Variants in POFUT2 observed in about 807,000 individuals in gnomAD.
POFUT2 encodes the protein GDP-fucose protein O-fucosyltransferase 2.
POFUT2 carries 30 observed loss-of-function variants against 55.0 expected under a neutral mutation model. That is an observed-to-expected ratio of 0.55 (90% confidence interval 0.41 to 0.74). The LOEUF (loss-of-function observed/expected upper bound fraction) is 0.74. POFUT2 is among the 30% of genes least tolerant of loss of function. POFUT2 has a pLI of 0.00. For missense variants in POFUT2, 524 were observed against 562.6 expected, an observed-to-expected ratio of 0.93 and a Z score of 0.69; for synonymous variants, 267 against 231.1, an observed-to-expected ratio of 1.16 and a Z score of -1.41.
At chr21:45,268,203 T>C (rs1449263244) in intron 7 of POFUT2, among the ~76,000 whole-genome samples, 1 of 152,226 alleles carries the variant, frequency 6.6e-6, no homozygotes, top group Non-Finnish European at 1.5e-5. Flanking sequence ...CGGGCCGGTC[T>C]CCAGCCCCTA....
Position 45,265,506 on chromosome 21 carries a change from G to C in POFUT2, c.1266C>G (p.Pro422=), listed in dbSNP as rs767430817. ...CTCAGTAGGTGATCTTCCAGTGGGTGGGTTGCTCACACGCCTTCTCTTGGT... is the reference window on the plus strand; with the variant it reads ...CTCAGTAGGTGATCTTCCAGTGGGTCGGTTGCTCACACGCCTTCTCTTGGT... The part of the protein sequence containing the change: ...CGDQEKACEQ[P]THWKITY The change falls in exon 9 of 9, where the codon CCC becomes CCG. Residue 422 remains proline (P), a synonymous_variant. Transcript: ENST00000349485. The surrounding 1 kb of genome is among the most constrained non-coding windows in gnomAD (Gnocchi z 4.6). 6.2e-7 allele frequency: 1 copy of C among 1,613,626 alleles called. No individual in the cohort carries two copies. The highest frequency in any genetic ancestry group is 2.2e-5 in the East Asian group (1 of 44,896).
In POFUT2 at chr21:45,285,661, G is replaced by T; in HGVS notation, c.382+17C>A. On this transcript the variant is annotated intron_variant, in intron 2 of 8. Transcript: ENST00000349485. The surrounding 1 kb of genome is among the most constrained non-coding windows in gnomAD (Gnocchi z 4.9). ...AGTTAAGCAACCACGGCCTCCCAGC[G>T]TGCCGCTCGGCCTCACCTGCGATGA... 1.2e-6 allele frequency: 2 copies of T among 1,613,364 alleles called. No homozygotes were observed. The highest frequency in any genetic ancestry group is 8.5e-7 in the Non-Finnish European group (1 of 1,179,968).
chr21:45,269,832 T>A lies in POFUT2; in HGVS notation c.1012+7A>T. 2 of 1,598,230 alleles carry A rather than the reference T, an allele frequency of 1.3e-6. No homozygotes were observed. The highest frequency in any genetic ancestry group is 1.1e-5 in the South Asian group (1 of 87,554). The stretch of plus-strand genomic sequence containing the variant: ...AGGAAAGAAACGAAAGCATTGAAGC[T>A]CCATACCCTTTCTGACGGCATCTGT... On this transcript the variant is annotated splice_region_variant and intron_variant, in intron 7 of 8. Coordinates refer to ENST00000349485, the MANE Select transcript of POFUT2 (RefSeq NM_133635.6).
rs1246759878 is a variant in POFUT2 at position 45,285,571 on chromosome 21, T to G, written c.382+107A>C. ...AGCAGCACTGGGCACTGGAGGATGC[T>G]GGTGAGGCTGGATGCAATCGTAAGC... On this transcript the variant is annotated intron_variant, in intron 2 of 8. Transcript: ENST00000349485. The surrounding 1 kb of genome is among the most constrained non-coding windows in gnomAD (Gnocchi z 4.9). The G allele has an allele frequency of 7.3e-7, 1 of 1,374,412 alleles. No homozygotes were observed. Among genetic ancestry groups the G allele is most frequent in the Admixed American group, 1.7e-5 (1 of 57,868 alleles). 85.1% of individuals were successfully genotyped at this position (1,374,412 alleles called of 1,614,324 possible). A position where few individuals can be genotyped will look rare whatever the true frequency, so the allele number is the denominator to read the frequency against.
In POFUT2 at chr21:45,265,021, A is replaced by G. The variant is rs1347548683; in HGVS notation, c.*461T>C. The G allele has an allele frequency of 6.5e-6, 1 of 154,336 alleles. No homozygotes were observed. The highest frequency in any genetic ancestry group is 1.4e-5 in the Non-Finnish European group (1 of 69,466). 9.6% of individuals were successfully genotyped at this position (154,336 alleles called of 1,614,324 possible). On this transcript the variant is annotated 3_prime_UTR_variant, in exon 9 of 9. Transcript: ENST00000349485. The surrounding 1 kb of genome is among the most constrained non-coding windows in gnomAD (Gnocchi z 4.6). The stretch of plus-strand genomic sequence containing the variant: ...TGAGGCCCCTGGTCGCTCTGCAGAC[A>G]TTTAAAATGACGCTTCTCCTTGCAC...
chr21:45,266,167 C>T, intron 8 of POFUT2: 1 of 1,367,190 alleles, frequency 7.3e-7, no homozygotes, highest in Non-Finnish European at 9.8e-7. Flanking sequence ...AGGTCAGCGG[C>T]CTGCCCGTTC....
Position 45,265,657 on chromosome 21 carries a change from CCA to C in POFUT2, c.1137-24_1137-23del. On this transcript the variant is annotated intron_variant, in intron 8 of 8. Transcript: ENST00000349485. The surrounding 1 kb of genome is among the most constrained non-coding windows in gnomAD (Gnocchi z 4.6). Reference sequence around the variant, plus strand: ...AAACCTGCAAAGGATCACAGAGGTTCCAGAGTCAGGGAGAACTGGCGTCACAG... The same window carrying C: ...AAACCTGCAAAGGATCACAGAGGTTCGAGTCAGGGAGAACTGGCGTCACAG... 1 of 784,560 alleles carries C rather than the reference CCA, an allele frequency of 1.3e-6. No individual in the cohort carries two copies. Among genetic ancestry groups the C allele is most frequent in the South Asian group, 3.3e-5 (1 of 30,748 alleles). The allele number at this position is 784,560 out of a possible 1,614,324, so 48.6% of individuals were successfully genotyped here. A position where few individuals can be genotyped will look rare whatever the true frequency, so the allele number is the denominator to read the frequency against.
rs566748566 is a variant in POFUT2, at chr21:45,281,082, C to T, written c.638+1267G>A. Among the ~76,000 whole-genome samples the T allele has an allele frequency of 2.0e-5, 3 of 152,334 alleles. No homozygotes were observed. The highest frequency in any genetic ancestry group is 3.9e-4 in the East Asian group (2 of 5,192). On this transcript the variant is annotated intron_variant, in intron 4 of 8. Coordinates refer to ENST00000349485, the MANE Select transcript of POFUT2 (RefSeq NM_133635.6). The surrounding 1 kb of genome is among the most constrained non-coding windows in gnomAD (Gnocchi z 5.0). ...ACCTTCCCATTAGGGCTTTAACCCC[C>T]GGAAGAGACTTTCCCTGGGTGCTGG...
rs1237211777 is a variant in POFUT2 at position 45,270,209 on chromosome 21, G to T, written c.832-190C>A. On this transcript the variant is annotated intron_variant, in intron 6 of 8. Transcript: ENST00000349485. This position sits in a 1 kb window ranked among gnomAD's most constrained non-coding sequence, Gnocchi z 4.6. ...GACCAGATGTCTTTCTAAGAAGACA[G>T]TGAAGCAGTATTAATTACCAGAAAT... 3 of 419,036 alleles carry T rather than the reference G, an allele frequency of 7.2e-6. No homozygotes were observed. Among genetic ancestry groups the T allele is most frequent in the Non-Finnish European group, 1.2e-5 (3 of 240,244 alleles). The allele number at this position is 419,036 out of a possible 1,614,324, so 26.0% of individuals were successfully genotyped here.
At position 45,270,059 on chromosome 21, in the gene POFUT2, G is replaced by A. The variant is rs201762780; in HGVS notation, c.832-40C>T. Reference sequence around the variant, plus strand: ...CAAGGAAATGCAGAAGCTGACAGGCGGGCTCGGGGCTCATCCTGGGCACCG... The same window carrying A: ...CAAGGAAATGCAGAAGCTGACAGGCAGGCTCGGGGCTCATCCTGGGCACCG... On this transcript the variant is annotated intron_variant, in intron 6 of 8. Transcript: ENST00000349485. The surrounding 1 kb of genome is among the most constrained non-coding windows in gnomAD (Gnocchi z 4.6). 177 of 1,465,340 alleles carry A rather than the reference G, an allele frequency of 1.2e-4. No individual in the cohort carries two copies. The highest frequency in any genetic ancestry group is 1.5e-4 in the Non-Finnish European group (161 of 1,109,074). 90.8% of individuals were successfully genotyped at this position (1,465,340 alleles called of 1,614,324 possible). A position where few individuals can be genotyped will look rare whatever the true frequency, so the allele number is the denominator to read the frequency against.
At chr21:45,280,415 T>G (rs1180765380) in intron 4 of POFUT2, among the ~76,000 whole-genome samples, 1 of 152,208 alleles carries the variant, frequency 6.6e-6, no homozygotes, top group Non-Finnish European at 1.5e-5. Context: ...GCACGTGTTT[T>G]CCTGGTCCGG....
Position 45,267,800 on chromosome 21 carries a change from T to G in POFUT2, c.1013-87A>C, listed in dbSNP as rs2093170724. ...TCTTTAGCAGACAGACATGCGTACT[T>G]GGCTTCTGGTTAATTCGTTAGGAAC... On this transcript the variant is annotated intron_variant, in intron 7 of 8. Transcript: ENST00000349485. This position sits in a 1 kb window ranked among gnomAD's most constrained non-coding sequence, Gnocchi z 4.4. 2 of 1,208,542 alleles carry G rather than the reference T, an allele frequency of 1.7e-6. No individual in the cohort carries two copies. The highest frequency in any genetic ancestry group is 3.8e-5 in the Admixed American group (2 of 52,276). 74.9% of individuals were successfully genotyped at this position (1,208,542 alleles called of 1,614,324 possible).
rs1307041153 is a variant in POFUT2, at chr21:45,277,695, A to G, written c.705+408T>C. 1.7e-5 allele frequency: 4 copies of G among 228,830 alleles called. No individual in the cohort carries two copies. The highest frequency in any genetic ancestry group is 3.5e-5 in the Non-Finnish European group (4 of 114,968). The allele number at this position is 228,830 out of a possible 1,614,324, so 14.2% of individuals were successfully genotyped here. A position where few individuals can be genotyped will look rare whatever the true frequency, so the allele number is the denominator to read the frequency against. On this transcript the variant is annotated intron_variant, in intron 5 of 8. Transcript: ENST00000349485. This position sits in a 1 kb window ranked among gnomAD's most constrained non-coding sequence, Gnocchi z 6.9. ...CTCACTCACAGAACCAGGGGTGGCT[A>G]TGGGAAGTCACCCCATCAATGCGGA...
intron 7 of POFUT2, among the ~76,000 whole-genome samples, chr21:45,268,947 C>T (rs1383069325): frequency 4.6e-5 from 4 of 87,620 alleles, no homozygotes; most frequent in African/African-American, 9.8e-5. Flanking sequence ...CCGCCCCGTC[C>T]GGGAGGTGAG....
rs1176324104 is a variant in POFUT2 at position 45,283,367 on chromosome 21, C to T, written c.527+16G>A. 6.4e-6 allele frequency: 10 copies of T among 1,569,956 alleles called. No homozygotes were observed. Among genetic ancestry groups the T allele is most frequent in the African/African-American group, 4.2e-5 (3 of 71,378 alleles). On this transcript the variant is annotated intron_variant, in intron 3 of 8. Transcript: ENST00000349485. ...GGGGGGGCACCTGCGGCAGGGGGAGCAGCCTCAGCAGGCACCTGTAGTACT... is the reference window on the plus strand; with the variant it reads ...GGGGGGGCACCTGCGGCAGGGGGAGTAGCCTCAGCAGGCACCTGTAGTACT...
At chr21:45,280,066 G>A (rs866494401) in intron 4 of POFUT2, among the ~76,000 whole-genome samples, 2 of 152,122 alleles carry the variant, frequency 1.3e-5, no homozygotes, top group African/African-American at 2.4e-5. Context: ...CATTCCACAC[G>A]GGCGCGGGTA....
At chr21:45,268,821 A>G (rs2093185649) in intron 7 of POFUT2, among the ~76,000 whole-genome samples, 2 of 142,538 alleles carry the variant, frequency 1.4e-5, no homozygotes, top group South Asian at 2.3e-4. Context: ...TGGGGGGGTC[A>G]GCCCTCCGCC....
At position 45,282,308 on chromosome 21, in the gene POFUT2, C is replaced by T; in HGVS notation, c.638+41G>A. On this transcript the variant is annotated intron_variant, in intron 4 of 8. Transcript: ENST00000349485. The surrounding 1 kb of genome is among the most constrained non-coding windows in gnomAD (Gnocchi z 4.6). ...AGCCCAGCATGCACGGAGCAGACGCCACAGCCTCCAGGCTGCTCCCGGGGG... is the reference window on the plus strand; with the variant it reads ...AGCCCAGCATGCACGGAGCAGACGCTACAGCCTCCAGGCTGCTCCCGGGGG... The T allele has an allele frequency of 7.6e-7, 1 of 1,310,734 alleles. No individual in the cohort carries two copies. The highest frequency in any genetic ancestry group is 1.1e-6 in the Non-Finnish European group (1 of 906,718). The allele number at this position is 1,310,734 out of a possible 1,614,324, so 81.2% of individuals were successfully genotyped here.
chr21:45,272,403 T>TA (rs1358646805), intron 6 of POFUT2, among the ~76,000 whole-genome samples: 2 of 152,250 alleles, frequency 1.3e-5, no homozygotes, highest in African/African-American at 4.8e-5. Flanking sequence ...ACCAAATTTA[T>TA]AAAACAATTA....
Sources: allele counts gnomAD v4.1 joint callset (sites outside exome capture counted in the v4.1 genomes callset), GRCh38; gene constraint gnomAD v4.1.1; non-coding constraint Gnocchi (gnomAD v3.1); transcripts MANE v1.5; gene names NCBI Gene and HGNC (gene_info 2026-07-23, HGNC 2026-07-21).